TRIM69: variants seen among roughly 807,000 people sequenced by gnomAD.
The protein encoded by TRIM69 is tripartite motif containing 69.
Under a neutral mutation model 37.7 loss-of-function variants are expected in TRIM69, and 29 were observed. The observed-to-expected ratio is 0.77, with a 90% CI of 0.57 to 1.05. TRIM69 has a LOEUF of 1.05. Among genes scored for constraint, TRIM69 ranks in the 50% least tolerant of loss-of-function variants. The pLI is 0.00. For missense variants in TRIM69, 596 were observed against 579.9 expected, an observed-to-expected ratio of 1.03 and a Z score of -0.28; for synonymous variants, 209 against 212.4, an observed-to-expected ratio of 0.98 and a Z score of 0.14.
intron 2 of TRIM69, 67 bp from the exon 3 acceptor site, chr15:44,756,301 G>A (rs2087644598): frequency 1.8e-6 from 2 of 1,141,556 alleles, no homozygotes; most frequent in South Asian, 1.4e-5. Flanking sequence ...GGGGCCTTGG[G>A]GAAGATGTCC....
chr15:44,739,959 C>T (rs1476760737), intron 1 of TRIM69, among the ~76,000 whole-genome samples: 3 of 151,928 alleles, frequency 2.0e-5, no homozygotes, highest in Non-Finnish European at 4.4e-5. Flanking sequence ...GACCCCCTAG[C>T]AGCCTAACTG....
chr15:44,758,914 T>G, intron 4 of TRIM69, 60 bp downstream of exon 4: 2 of 1,548,140 alleles, frequency 1.3e-6, no homozygotes, highest in Non-Finnish European at 1.7e-6. Context: ...GGAAGAGGTT[T>G]GGAAAGAATG....
chr15:44,767,053 CAAAAAAAAA>C (rs55736812), intron 6 of TRIM69, among the ~76,000 whole-genome samples, 169 bp from the exon 7 acceptor site: 1,186 of 24,286 alleles, frequency 0.049, 16 homozygotes, highest in South Asian at 0.073. Flanking sequence ...TTGTCTGCCT[CAAAAAAAAA>C]AAAAAAAAAA....
In TRIM69 at chr15:44,767,264, C is replaced by T; in HGVS notation, c.995C>T (p.Ala332Val). The T allele has an allele frequency of 6.2e-7, 1 of 1,613,790 alleles. No individual in the cohort carries two copies. Among genetic ancestry groups the T allele is most frequent in the Non-Finnish European group, 8.5e-7 (1 of 1,179,968 alleles). ...LSPLTLDPKT[A>V]HPNLVLSKSQ... ...CCACTAACTCTGGACCCTAAAACAG[C>T]TCACCCAAATCTGGTGCTCTCCAAA... The change falls in exon 7 of 7, where the codon GCT becomes GTT. Residue 332 changes from alanine (A) to valine (V), a missense_variant. Coordinates refer to ENST00000329464, the MANE Select transcript of TRIM69 (RefSeq NM_182985.5).
At chr15:44,739,377 G>A (rs938887488) in intron 1 of TRIM69, among the ~76,000 whole-genome samples, 2 of 152,310 alleles carry the variant, frequency 1.3e-5, no homozygotes, top group East Asian at 3.9e-4. Flanking sequence ...GACAGTGGGC[G>A]CAGGACAGTG....
At chr15:44,741,130 T>C (rs1384580822) in intron 1 of TRIM69, among the ~76,000 whole-genome samples, 1 of 151,812 alleles carries the variant, frequency 6.6e-6, no homozygotes, top group East Asian at 1.9e-4. Context: ...CAGACCACAG[T>C]GCAATCAAAC....
rs2087917914 is a variant in TRIM69, at chr15:44,767,312, G to T, written c.1043G>T (p.Gly348Val). 5 of 1,613,920 alleles carry T rather than the reference G, an allele frequency of 3.1e-6. No individual in the cohort carries two copies. The highest frequency in any genetic ancestry group is 4.2e-6 in the Non-Finnish European group (5 of 1,180,042). The change falls in exon 7 of 7, where the codon GGT becomes GTT. Residue 348 changes from glycine to valine, a missense_variant. Transcript: ENST00000329464. ...AAAAGCCAAACCAGCGTCTGGCATGGTGACATTAAGAAGATAATGCCTGAT... is the reference window on the plus strand; with the variant it reads ...AAAAGCCAAACCAGCGTCTGGCATGTTGACATTAAGAAGATAATGCCTGAT... ...LSKSQTSVWH[G>V]DIKKIMPDDP...
intron 2 of TRIM69, among the ~76,000 whole-genome samples, 181 bp downstream of exon 2, chr15:44,755,557 G>T (rs1298820344): frequency 6.6e-6 from 1 of 152,148 alleles, no homozygotes. Flanking sequence ...TATAGGAAAG[G>T]AACAGTGGAG....
Position 44,767,471 on chromosome 15 carries a change from G to T in TRIM69, c.1202G>T (p.Arg401Leu), listed in dbSNP as rs773433344. ...GGAGTTGTCAGAGAATCCATCATTC[G>T]GAAGGGCAGCTGTCCTCTAACTCCT... is the stretch of plus-strand genomic sequence containing the variant. ...TVGVVRESII[R>L]KGSCPLTPEQ... Residue 401 changes from arginine to leucine, a missense_variant, in exon 7 of 7, where the codon CGG becomes CTG. Coordinates refer to ENST00000329464, the MANE Select transcript of TRIM69 (RefSeq NM_182985.5). 5 of 1,614,130 alleles carry T rather than the reference G, an allele frequency of 3.1e-6. No homozygotes were observed. The highest frequency in any genetic ancestry group is 4.2e-6 in the Non-Finnish European group (5 of 1,180,030).
Position 44,767,789 on chromosome 15 carries a change from ACAAATT to A in TRIM69, c.*20_*25del, listed in dbSNP as rs759474007. 1.3e-6 allele frequency: 2 copies of A among 1,584,718 alleles called. No individual in the cohort carries two copies. Among genetic ancestry groups the A allele is most frequent in the Non-Finnish European group, 1.7e-6 (2 of 1,166,394 alleles). ...CCACAGTAATGAGTCATAATATTAT[ACAAATT>A]CAGAGTGTTATTAAAGAGGTATTGA... is the stretch of plus-strand genomic sequence containing the variant. On this transcript the variant is annotated 3_prime_UTR_variant, in exon 7 of 7. Transcript: ENST00000329464.
intron 6 of TRIM69, among the ~76,000 whole-genome samples, chr15:44,764,023 C>T (rs930903038): frequency 5.3e-5 from 8 of 152,186 alleles, no homozygotes; most frequent in African/African-American, 1.7e-4. Flanking sequence ...CTGGCCTTGA[C>T]GAGTTTCACT....
chr15:44,745,144 A>AACTGAGGACT (rs1191192084), intron 1 of TRIM69, among the ~76,000 whole-genome samples: 6 of 151,982 alleles, frequency 3.9e-5, no homozygotes, highest in African/African-American at 1.5e-4. Flanking sequence ...TGTAAGCAGG[A>AACTGAGGACT]ACTGAGGACT....
intron 1 of TRIM69, among the ~76,000 whole-genome samples, chr15:44,745,627 C>T (rs1295244971): frequency 6.6e-6 from 1 of 151,988 alleles, no homozygotes; most frequent in African/African-American, 2.4e-5. Flanking sequence ...TCTCAAATAG[C>T]TAAAGGAAAC....
At chr15:44,745,252 G>A (rs541981248) in intron 1 of TRIM69, among the ~76,000 whole-genome samples, 7 of 152,000 alleles carry the variant, frequency 4.6e-5, no homozygotes, top group African/African-American at 1.7e-4. Flanking sequence ...GTTTGATTTG[G>A]GTTGATTCTA....
intron 1 of TRIM69, among the ~76,000 whole-genome samples, chr15:44,744,207 C>CA (rs1291238767): frequency 1.5e-4 from 21 of 143,920 alleles, no homozygotes; most frequent in Admixed American, 7.3e-4. Flanking sequence ...ATTGCAAGGA[C>CA]AAAAAACCAA....
intron 6 of TRIM69, among the ~76,000 whole-genome samples, chr15:44,765,967 C>T (rs1378131428): frequency 6.6e-6 from 1 of 152,096 alleles, no homozygotes; most frequent in African/African-American, 2.4e-5. Context: ...TTTGTGTCAT[C>T]CTCTTGCTGG....
chr15:44,741,624 A>G (rs2087287904), intron 1 of TRIM69, among the ~76,000 whole-genome samples: 1 of 152,264 alleles, frequency 6.6e-6, no homozygotes, highest in African/African-American at 2.4e-5. Flanking sequence ...ATAAAGAATG[A>G]TAAAGGGGAT....
At chr15:44,740,322 G>A (rs946976599) in intron 1 of TRIM69, among the ~76,000 whole-genome samples, 5 of 152,340 alleles carry the variant, frequency 3.3e-5, no homozygotes, top group African/African-American at 7.2e-5. Context: ...AAAGCAGAGC[G>A]CCTCTCTTCC....
intron 1 of TRIM69, chr15:44,752,855 C>T (rs73419578): frequency 2.0e-5 from 3 of 152,018 alleles, no homozygotes; most frequent in African/African-American, 4.8e-5. Context: ...GAATTAATGC[C>T]AACTTAGTTT....
Sources: allele counts gnomAD v4.1 joint callset (sites outside exome capture counted in the v4.1 genomes callset), GRCh38; gene constraint gnomAD v4.1.1; transcripts MANE v1.5; gene names NCBI Gene and HGNC (gene_info 2026-07-23, HGNC 2026-07-21).